The following PAM variants were observed in gnomAD, a reference collection of about 807,000 sequenced individuals.
PAM encodes peptidyl-glycine alpha-amidating monooxygenase.
PAM carries 72 observed loss-of-function variants against 122.1 expected under a neutral mutation model. That is an observed-to-expected ratio of 0.59 (90% CI 0.49 to 0.72). The LOEUF (loss-of-function observed/expected upper bound fraction) is 0.72, where lower values mean the gene tolerates loss of function less well. Ranked by LOEUF, PAM falls within the 30% of genes least tolerant of loss-of-function variation. The probability of loss-of-function intolerance (pLI) is 0.00; values close to 1 mark genes in which losing one functional copy is unlikely to be tolerated. For synonymous variants in PAM, 389 were observed against 404.4 expected (o/e 0.96, Z 0.46); for missense variants, 1,106 against 1,183.7 (o/e 0.93, Z 0.96).
intron 1 of PAM, among the ~76,000 whole-genome samples, chr5:102,783,109 T>C (rs1231822446): frequency 6.6e-6 from 1 of 151,978 alleles, no homozygotes; most frequent in Admixed American, 6.6e-5. Flanking sequence ...GTGGCATATA[T>C]AATTACCCAG....
Position 102,990,302 on chromosome 5 carries a change from C to T in PAM, c.1514C>T (p.Pro505Leu). 6.3e-7 allele frequency: 1 copy of T among 1,597,490 alleles called. No individual in the cohort carries two copies. Among genetic ancestry groups the T allele is most frequent in the Non-Finnish European group, 8.6e-7 (1 of 1,169,222 alleles). ...CACATGGAAGAGGCACTGGATTGGC[C>T]TGGAGTATACTTGTTACCAGGCCAG... ...DFHMEEALDW[P>L]GVYLLPGQVS... Residue 505 changes from proline to leucine, a missense_variant, in exon 16 of 26, where the codon CCT becomes CTT. Transcript: ENST00000438793.
At chr5:102,791,580 T>G (rs1434857959) in intron 1 of PAM, among the ~76,000 whole-genome samples, 2 of 152,158 alleles carry the variant, frequency 1.3e-5, no homozygotes, top group African/African-American at 4.8e-5. Flanking sequence ...TTATTTCTTT[T>G]GCAACTACTT....
At chr5:103,009,962 A>G (rs981669519) in intron 21 of PAM, 96 bp downstream of exon 21, 5 of 474,024 alleles carry the variant, frequency 1.1e-5, no homozygotes, top group African/African-American at 1.0e-4. Context: ...CTTTAGAAAA[A>G]CTTTTAAGAA....
In PAM at chr5:102,978,833, A is replaced by G. The variant is rs1768651140; in HGVS notation, c.1483+4397A>G. On this transcript the variant is annotated intron_variant, in intron 15 of 25. Coordinates refer to ENST00000438793, the MANE Select transcript of PAM (RefSeq NM_001177306.2). ...GATCTCTGAGGGGAGGAGAATGGTTAAAAAAAAAAAAACACCTATACATAG... is the reference window on the plus strand; with the variant it reads ...GATCTCTGAGGGGAGGAGAATGGTTGAAAAAAAAAAAACACCTATACATAG... Among the ~76,000 whole-genome samples the G allele has an allele frequency of 7.9e-5, 10 of 126,468 alleles. No homozygotes were observed. In the South Asian group the frequency reaches 2.2e-3, roughly 28 times the overall value. The allele number at this position is 126,468 out of a possible 152,430, so 83.0% of individuals were successfully genotyped here.
chr5:102,780,082 G>A (rs943606809), intron 1 of PAM, among the ~76,000 whole-genome samples: 4 of 151,590 alleles, frequency 2.6e-5, no homozygotes, highest in African/African-American at 4.9e-5. Context: ...TGATGAAAAC[G>A]TGTGCCCCCT....
At chr5:102,768,336 TTG>T (rs1345643745) in intron 1 of PAM, among the ~76,000 whole-genome samples, 1 of 152,154 alleles carries the variant, frequency 6.6e-6, no homozygotes, top group African/African-American at 2.4e-5. Context: ...CACACATTTT[TTG>T]TGTGTTACGA....
Position 102,905,509 on chromosome 5 carries a change from C to T in PAM, c.268+4096C>T, listed in dbSNP as rs189782338. 2.1e-3 allele frequency among the ~76,000 whole-genome samples: 312 copies of T among 151,760 alleles called. 1 individual carries two copies. The highest frequency in any genetic ancestry group is 1.1e-3 in the Non-Finnish European group (75 of 67,764). The stretch of plus-strand genomic sequence containing the variant: ...TAGATTTGAATAGTTCAAAATATGA[C>T]CTTTCTTAAAGCACATGATCAAGTG... On this transcript the variant is annotated intron_variant, in intron 4 of 25. Coordinates refer to ENST00000438793, the MANE Select transcript of PAM (RefSeq NM_001177306.2).
chr5:102,795,367 A>T (rs1763148153), intron 1 of PAM, among the ~76,000 whole-genome samples: 1 of 152,092 alleles, frequency 6.6e-6, no homozygotes, highest in Admixed American at 6.6e-5. Flanking sequence ...GAACCAAATG[A>T]GACAGGAAGA....
intron 7 of PAM, among the ~76,000 whole-genome samples, chr5:102,942,824 G>C (rs980855378): frequency 2.7e-5 from 4 of 150,890 alleles, no homozygotes; most frequent in Non-Finnish European, 4.4e-5. Context: ...ACCTGCCTCG[G>C]CCTTCCAAAG....
At chr5:102,774,114 T>G (rs1017478414) in intron 1 of PAM, among the ~76,000 whole-genome samples, 3 of 152,108 alleles carry the variant, frequency 2.0e-5, no homozygotes, top group African/African-American at 7.2e-5. Context: ...CCAGTCTGAT[T>G]GATGAACAGT....
At chr5:102,804,328 T>C (rs1247183242) in intron 1 of PAM, among the ~76,000 whole-genome samples, 2 of 152,010 alleles carry the variant, frequency 1.3e-5, no homozygotes, top group Non-Finnish European at 2.9e-5. Context: ...TATAGAATTA[T>C]TAAAGGGGCG....
In PAM at chr5:102,863,736, A is replaced by G. The variant is rs577207550; in HGVS notation, c.-373-2087A>G. Among the ~76,000 whole-genome samples, 25 of 150,508 alleles carry G rather than the reference A, an allele frequency of 1.7e-4. No individual in the cohort carries two copies. In the South Asian group the frequency reaches 5.0e-3, roughly 30 times the overall value. The stretch of plus-strand genomic sequence containing the variant: ...AGAATACTAATAAAATTTGATTATT[A>G]TATGTTCTACATTATCCAGAATTAT... On this transcript the variant is annotated intron_variant, in intron 1 of 25. Transcript: ENST00000438793.
At chr5:102,971,585 G>A (rs979075062) in intron 14 of PAM, among the ~76,000 whole-genome samples, 5 of 152,094 alleles carry the variant, frequency 3.3e-5, no homozygotes, top group African/African-American at 1.2e-4. Context: ...AGTGGGGAGG[G>A]AGTGGTCCAG....
chr5:102,776,441 T>C (rs1394433535), intron 1 of PAM, among the ~76,000 whole-genome samples: 1 of 152,136 alleles, frequency 6.6e-6, no homozygotes. Context: ...ATTGCCTAGA[T>C]TTTCTTCTAG....
At chr5:102,880,925 A>C (rs1790767843) in intron 3 of PAM, among the ~76,000 whole-genome samples, 1 of 152,064 alleles carries the variant, frequency 6.6e-6, no homozygotes, top group Non-Finnish European at 1.5e-5. Flanking sequence ...AATGCCAAAA[A>C]TTATGCATTA....
intron 2 of PAM, 102 bp from the exon 3 acceptor site, chr5:102,867,171 A>G (rs943310281): frequency 3.4e-5 from 25 of 740,178 alleles, no homozygotes; most frequent in Admixed American, 3.2e-4. Context: ...TTGGGTTTAA[A>G]TCAATCATCT....
chr5:102,992,282 T>C (rs775041776), intron 16 of PAM, among the ~76,000 whole-genome samples: 8 of 152,194 alleles, frequency 5.3e-5, no homozygotes, highest in Non-Finnish European at 1.2e-4. Flanking sequence ...AGGAAACTGC[T>C]GATTTTACTC....
chr5:103,006,577 C>G (rs1779048179), intron 18 of PAM, among the ~76,000 whole-genome samples: 1 of 152,140 alleles, frequency 6.6e-6, no homozygotes, highest in South Asian at 2.1e-4. Flanking sequence ...ACCGCGTGAC[C>G]TTGAGCAAAT....
chr5:102,931,442 G>GT (rs1019883149), intron 7 of PAM, among the ~76,000 whole-genome samples: 1 of 152,058 alleles, frequency 6.6e-6, no homozygotes, highest in African/African-American at 2.4e-5. Flanking sequence ...TTTTTGACCA[G>GT]TTTTTTCAGC....
Sources: allele counts gnomAD v4.1 joint callset (sites outside exome capture counted in the v4.1 genomes callset), GRCh38; gene constraint gnomAD v4.1.1; transcripts MANE v1.5; gene names NCBI Gene and HGNC (gene_info 2026-07-23, HGNC 2026-07-21).